The following PPM1E variants were observed in gnomAD, a reference collection of about 807,000 sequenced individuals.
PPM1E encodes protein phosphatase 1E.
Under a neutral mutation model 65.9 loss-of-function variants are expected in PPM1E, and 20 were observed. That is an observed-to-expected ratio of 0.30 (90% confidence interval 0.21 to 0.44). The LOEUF (loss-of-function observed/expected upper bound fraction) is 0.44. Among genes scored for constraint, PPM1E ranks in the 20% least tolerant of loss-of-function variants. PPM1E has a pLI of 1.00. For missense variants in PPM1E, 713 were observed against 953.1 expected (o/e 0.75, Z 3.32); for synonymous variants, 352 against 374.9 (o/e 0.94, Z 0.70).
chr17:58,902,240 C>A (rs1423308055), intron 1 of PPM1E, among the ~76,000 whole-genome samples: 1 of 152,034 alleles, frequency 6.6e-6, no homozygotes, highest in Non-Finnish European at 1.5e-5. Flanking sequence ...AAATTTCAGA[C>A]TGCTACAAGA....
intron 1 of PPM1E, among the ~76,000 whole-genome samples, chr17:58,761,374 A>C (rs974862751): frequency 1.3e-5 from 2 of 152,158 alleles, no homozygotes; most frequent in Admixed American, 6.6e-5. Context: ...TTTTTACTCC[A>C]CATCCTTCAT....
chr17:58,844,339 A>G (rs1279530465), intron 1 of PPM1E, among the ~76,000 whole-genome samples: 1 of 152,192 alleles, frequency 6.6e-6, no homozygotes, highest in Non-Finnish European at 1.5e-5. Context: ...TATGAAAGTG[A>G]ATAATAAGGG....
At chr17:58,908,619 T>C (rs2143494477) in intron 1 of PPM1E, among the ~76,000 whole-genome samples, 1 of 151,822 alleles carries the variant, frequency 6.6e-6, no homozygotes, top group African/African-American at 2.4e-5. Flanking sequence ...TTTGTATTTT[T>C]AGTAGAGATG....
Position 58,980,252 on chromosome 17 carries a change from G to A in PPM1E, c.1489G>A (p.Val497Ile). The change falls in exon 7 of 7, where the codon GTT becomes ATT. Residue 497 changes from valine (V) to isoleucine (I), a missense_variant. Transcript: ENST00000308249. This position sits in a 1 kb window ranked among gnomAD's most constrained non-coding sequence, Gnocchi z 4.7. ...FLRDMNKAVN[V>I]SEESDWTENS... is the part of the protein sequence containing the mutation. ...GAGGGACATGAACAAAGCTGTAAAT[G>A]TTAGTGAGGAATCAGATTGGACAGA... 6.2e-7 allele frequency: 1 copy of A among 1,614,208 alleles called. No individual in the cohort carries two copies. Among genetic ancestry groups the A allele is most frequent in the Non-Finnish European group, 8.5e-7 (1 of 1,180,018 alleles).
At chr17:58,769,332 C>T (rs911963671) in intron 1 of PPM1E, among the ~76,000 whole-genome samples, 2 of 152,102 alleles carry the variant, frequency 1.3e-5, no homozygotes, top group African/African-American at 2.4e-5. Context: ...CAGTGGCTCC[C>T]GCCTATAATT....
chr17:58,885,566 A>G (rs1289521171), intron 1 of PPM1E, among the ~76,000 whole-genome samples: 10 of 152,204 alleles, frequency 6.6e-5, no homozygotes, highest in African/African-American at 2.2e-4. Context: ...AATTATTATT[A>G]TGAAGAGGAT....
chr17:58,780,971 A>G (rs1028500732), intron 1 of PPM1E, among the ~76,000 whole-genome samples: 1 of 152,144 alleles, frequency 6.6e-6, no homozygotes, highest in African/African-American at 2.4e-5. Context: ...AGAAAGATTG[A>G]AAAGTTTGTG....
intron 1 of PPM1E, among the ~76,000 whole-genome samples, chr17:58,786,477 G>T (rs1257064715): frequency 6.6e-6 from 1 of 152,146 alleles, no homozygotes; most frequent in Non-Finnish European, 1.5e-5. Context: ...TAGCCAGCCT[G>T]GCTGCTAAAT....
intron 1 of PPM1E, among the ~76,000 whole-genome samples, chr17:58,798,861 A>T (rs2050232916): frequency 2.6e-5 from 4 of 151,522 alleles, no homozygotes; most frequent in South Asian, 2.1e-4. Context: ...GCTCGGCTAA[A>T]TTTTGTATTT....
rs1181153616 is a variant in PPM1E at position 58,982,714 on chromosome 17, G to GT, written c.*1687dup. On this transcript the variant is annotated 3_prime_UTR_variant, in exon 7 of 7. Transcript: ENST00000308249. ...ATGTAAGTAGAGACTTTCAGTATTT[G>GT]TTTTCTCTTGATTTTGAAGTCATTT... is the stretch of plus-strand genomic sequence containing the variant. 4 of 516,180 alleles carry GT rather than the reference G, an allele frequency of 7.7e-6. No individual in the cohort carries two copies. The highest frequency in any genetic ancestry group is 7.7e-5 in the African/African-American group (4 of 51,828). 32.0% of individuals were successfully genotyped at this position (516,180 alleles called of 1,614,324 possible).
At chr17:58,864,244 TC>T (rs1452837780) in intron 1 of PPM1E, among the ~76,000 whole-genome samples, 1 of 152,192 alleles carries the variant, frequency 6.6e-6, no homozygotes, top group Non-Finnish European at 1.5e-5. Flanking sequence ...AGCAGTTATT[TC>T]TTTTGTCCAC....
chr17:58,797,566 A>T (rs981732286), intron 1 of PPM1E, among the ~76,000 whole-genome samples: 6 of 152,166 alleles, frequency 3.9e-5, no homozygotes, highest in African/African-American at 1.4e-4. Flanking sequence ...TTTATTGCTG[A>T]GTAGTATTTG....
At chr17:58,864,170 G>C (rs1598616671) in intron 1 of PPM1E, among the ~76,000 whole-genome samples, 1 of 151,760 alleles carries the variant, frequency 6.6e-6, no homozygotes, top group Non-Finnish European at 1.5e-5. Context: ...AATTCTCTTT[G>C]TTTCCATACC....
chr17:58,962,575 T>C (rs2030067026), intron 2 of PPM1E, among the ~76,000 whole-genome samples: 1 of 152,134 alleles, frequency 6.6e-6, no homozygotes. Flanking sequence ...AGAGACCAGA[T>C]AGGTTGCAGT....
rs183559008 is a variant in PPM1E at position 58,781,453 on chromosome 17, T to C, written c.464+24992T>C. ...ACCGTGCCTGGCCCAAAAGTGCAGA[T>C]TTCTAAGCAGTCTTCATGGCCAACC... On this transcript the variant is annotated intron_variant, in intron 1 of 6. Transcript: ENST00000308249. Among the ~76,000 whole-genome samples the C allele has an allele frequency of 4.0e-4, 61 of 152,172 alleles. No individual in the cohort carries two copies. The East Asian group carries it at 0.011, about 27-fold the overall frequency.
intron 1 of PPM1E, among the ~76,000 whole-genome samples, chr17:58,816,771 TATATATATATATATATA>T (rs1567842159): frequency 7.0e-4 from 12 of 17,238 alleles, no homozygotes; most frequent in African/African-American, 1.8e-3. Flanking sequence ...TATATATATA[TATATATATATATATATA>T]TATATATTTT....
At chr17:58,799,459 T>C (rs2050238523) in intron 1 of PPM1E, among the ~76,000 whole-genome samples, 1 of 152,048 alleles carries the variant, frequency 6.6e-6, no homozygotes, top group African/African-American at 2.4e-5. Flanking sequence ...TTTTTTTTTT[T>C]TGAAATGGAG....
chr17:58,895,752 G>A (rs532625457), intron 1 of PPM1E, among the ~76,000 whole-genome samples: 91 of 152,166 alleles, frequency 6.0e-4, no homozygotes, highest in African/African-American at 1.7e-3. Context: ...CAAGACTAAA[G>A]CGAACCATAG....
Position 58,925,277 on chromosome 17 carries a change from G to T in PPM1E, c.465-30372G>T, listed in dbSNP as rs367727009. Among the ~76,000 whole-genome samples the T allele has an allele frequency of 3.0e-3, 463 of 152,022 alleles. 2 individuals are homozygous for T. Among genetic ancestry groups the T allele is most frequent in the African/African-American group, 0.01 (425 of 41,452 alleles). On this transcript the variant is annotated intron_variant, in intron 1 of 6. Coordinates refer to ENST00000308249, the MANE Select transcript of PPM1E (RefSeq NM_014906.5). ...TTTTTAATAATTGCCATTCTGACTGGTGTGAGATGGTATCTCATTGTGGTT... is the reference window on the plus strand; with the variant it reads ...TTTTTAATAATTGCCATTCTGACTGTTGTGAGATGGTATCTCATTGTGGTT...
Sources: gnomAD v4.1 joint callset for allele counts (sites outside exome capture counted in the v4.1 genomes callset) on GRCh38, gnomAD v4.1.1 for gene constraint, Gnocchi (gnomAD v3.1) non-coding constraint, MANE v1.5 for transcripts, NCBI Gene and HGNC (gene_info 2026-07-23, HGNC 2026-07-21) for gene names.